The following DPP10 variants were observed in gnomAD, a reference collection of about 807,000 sequenced individuals.
DPP10 encodes the protein inactive dipeptidyl peptidase 10.
DPP10 carries 33 observed loss-of-function variants against 120.9 expected under a neutral mutation model. That is an observed-to-expected ratio of 0.27 (90% confidence interval 0.21 to 0.37). DPP10 has a LOEUF of 0.37. Ranked by LOEUF, DPP10 falls within the 10% of genes least tolerant of loss-of-function variation. The pLI is 1.00. For missense variants in DPP10, 816 were observed against 942.8 expected, an observed-to-expected ratio of 0.87 and a Z score of 1.76; for synonymous variants, 337 against 326.1, an observed-to-expected ratio of 1.03 and a Z score of -0.36.
At chr2:115,199,722 AGAT>A (rs1451887114) in intron 1 of DPP10, among the ~76,000 whole-genome samples, 1 of 152,194 alleles carries the variant, frequency 6.6e-6, no homozygotes, top group Non-Finnish European at 1.5e-5. Flanking sequence ...AAGACTGAAG[AGAT>A]GATGATTTTA....
intron 21 of DPP10, among the ~76,000 whole-genome samples, chr2:115,833,325 A>C (rs1267957446): frequency 6.6e-6 from 1 of 152,168 alleles, no homozygotes; most frequent in African/African-American, 2.4e-5. Context: ...ATAGAACCAG[A>C]AAAGTTGCAT....
At chr2:115,480,328 T>C (rs1345463486) in intron 3 of DPP10, among the ~76,000 whole-genome samples, 1 of 152,192 alleles carries the variant, frequency 6.6e-6, no homozygotes, top group Non-Finnish European at 1.5e-5. Flanking sequence ...ATTGTAGGTG[T>C]TAAGAAATGG....
At chr2:114,949,113 C>T (rs958634930) in intron 1 of DPP10, among the ~76,000 whole-genome samples, 3 of 151,898 alleles carry the variant, frequency 2.0e-5, no homozygotes, top group African/African-American at 4.8e-5. Flanking sequence ...TTAGTAGAGA[C>T]GGGGTTTCAC....
chr2:115,130,095 T>A (rs2050262935), intron 1 of DPP10, among the ~76,000 whole-genome samples: 1 of 152,180 alleles, frequency 6.6e-6, no homozygotes, highest in African/African-American at 2.4e-5. Context: ...TATCCATATA[T>A]CTCTACTATC....
intron 3 of DPP10, among the ~76,000 whole-genome samples, chr2:115,351,623 A>C (rs2106305708): frequency 6.6e-6 from 1 of 152,242 alleles, no homozygotes; most frequent in Admixed American, 6.6e-5. Context: ...AGAGACTTGT[A>C]AATGAAATTT....
intron 1 of DPP10, among the ~76,000 whole-genome samples, chr2:114,706,591 C>T (rs116000890): frequency 0.02 from 3,041 of 152,258 alleles, 42 homozygotes; most frequent in Non-Finnish European, 0.032. Flanking sequence ...CTTATAAGAA[C>T]ATTTCACTGG....
At chr2:115,504,030 T>A (rs2076818812) in intron 4 of DPP10, among the ~76,000 whole-genome samples, 1 of 152,110 alleles carries the variant, frequency 6.6e-6, no homozygotes, top group Admixed American at 6.6e-5. Flanking sequence ...TTGATAATTT[T>A]AAGGGAGATA....
At chr2:115,689,641 C>CA in intron 5 of DPP10, 46 bp from the exon 6 acceptor site, 1 of 1,226,062 alleles carries the variant, frequency 8.2e-7, no homozygotes, top group Non-Finnish European at 1.1e-6. Context: ...CATATATTCA[C>CA]ATTAAGATAA....
At chr2:114,906,859 G>A (rs1694008143) in intron 1 of DPP10, among the ~76,000 whole-genome samples, 1 of 152,106 alleles carries the variant, frequency 6.6e-6, no homozygotes. Flanking sequence ...CTCATAGAAG[G>A]AGGTTGGATA....
Position 115,490,831 on chromosome 2 carries a change from C to T in DPP10, c.272-8679C>T, listed in dbSNP as rs183496368. On this transcript the variant is annotated intron_variant, in intron 3 of 25. Coordinates refer to ENST00000410059, the MANE Select transcript of DPP10 (RefSeq NM_020868.6). ...AGGAAGACCTTATTCAAAGCAATTG[C>T]GAGAGGGCTGTGCGTGGTGGCTCAC... Among the ~76,000 whole-genome samples the T allele has an allele frequency of 6.6e-5, 10 of 152,254 alleles. No homozygotes were observed. The East Asian group carries it at 9.7e-4, about 15-fold the overall frequency.
chr2:115,198,000 G>A (rs564628216), intron 1 of DPP10, among the ~76,000 whole-genome samples: 2 of 152,246 alleles, frequency 1.3e-5, no homozygotes, highest in East Asian at 3.9e-4. Context: ...GCTTTTCACT[G>A]TGAAAGATTT....
chr2:114,463,246 A>G (rs1679078228), intron 1 of DPP10: 1 of 152,160 alleles, frequency 6.6e-6, no homozygotes. Flanking sequence ...ATATTTAAGC[A>G]TGAGTTCACA....
chr2:115,040,621 C>T (rs1229785460), intron 1 of DPP10, among the ~76,000 whole-genome samples: 1 of 151,724 alleles, frequency 6.6e-6, no homozygotes, highest in African/African-American at 2.4e-5. Context: ...AATTGTAATC[C>T]CCAGCATTGG....
intron 1 of DPP10, among the ~76,000 whole-genome samples, chr2:115,063,633 C>T (rs1162184676): frequency 6.6e-6 from 1 of 152,192 alleles, no homozygotes; most frequent in Non-Finnish European, 1.5e-5. Context: ...ACCATCTGAT[C>T]TTCCACAAAT....
intron 7 of DPP10, among the ~76,000 whole-genome samples, chr2:115,720,249 T>C (rs1259485507): frequency 6.6e-6 from 1 of 152,140 alleles, no homozygotes; most frequent in Non-Finnish European, 1.5e-5. Flanking sequence ...CCAAAATATT[T>C]TGTGTGTGTG....
chr2:115,470,230 A>G (rs752160434), intron 3 of DPP10, among the ~76,000 whole-genome samples: 5 of 152,172 alleles, frequency 3.3e-5, no homozygotes, highest in Admixed American at 2.0e-4. Context: ...GGTTGTGGGC[A>G]TTGCTTATTT....
At chr2:115,514,753 A>G (rs1313256925) in intron 4 of DPP10, among the ~76,000 whole-genome samples, 1 of 151,822 alleles carries the variant, frequency 6.6e-6, no homozygotes, top group Non-Finnish European at 1.5e-5. Flanking sequence ...GAGATAAAAC[A>G]TTTTCATCAT....
intron 5 of DPP10, chr2:115,580,012 C>A (rs1346448662): frequency 1.3e-5 from 2 of 151,570 alleles, no homozygotes; most frequent in African/African-American, 4.9e-5. Context: ...TGTGTTGTTC[C>A]CTCCCTGTGT....
rs556467021 is a variant in DPP10, at chr2:115,651,836, T to TA, written c.442-37850dup. ...AAGTTTTGCAGATTTTTATTGTTTTTACCAACAGTGACATGCTTAATTCTT... is the reference window on the plus strand; with the variant it reads ...AAGTTTTGCAGATTTTTATTGTTTTTAACCAACAGTGACATGCTTAATTCTT... On this transcript the variant is annotated intron_variant, in intron 5 of 25. Coordinates refer to ENST00000410059, the MANE Select transcript of DPP10 (RefSeq NM_020868.6). 2.4e-3 allele frequency among the ~76,000 whole-genome samples: 372 copies of TA among 152,234 alleles called. 2 individuals are homozygous for TA. The highest frequency in any genetic ancestry group is 8.7e-3 in the African/African-American group (361 of 41,564).
Sources: allele counts gnomAD v4.1 joint callset (sites outside exome capture counted in the v4.1 genomes callset), GRCh38; gene constraint gnomAD v4.1.1; transcripts MANE v1.5; gene names NCBI Gene and HGNC (gene_info 2026-07-23, HGNC 2026-07-21).